HHAT: variants seen among roughly 807,000 people sequenced by gnomAD.
The protein encoded by HHAT is protein-cysteine N-palmitoyltransferase HHAT.
Under a neutral mutation model 70.8 loss-of-function variants are expected in HHAT, and 47 were observed. That is an observed-to-expected ratio of 0.66 (90% CI 0.53 to 0.85). HHAT has a LOEUF of 0.85. HHAT is among the 40% of genes least tolerant of loss of function. HHAT has a pLI of 0.00. For missense variants in HHAT, 609 were observed against 604.8 expected, an observed-to-expected ratio of 1.01 and a Z score of -0.07; for synonymous variants, 228 against 247.6, an observed-to-expected ratio of 0.92 and a Z score of 0.74.
intron 8 of HHAT, among the ~76,000 whole-genome samples, chr1:210,498,605 T>C (rs1301486141): frequency 6.6e-6 from 1 of 152,202 alleles, no homozygotes; most frequent in Non-Finnish European, 1.5e-5. Context: ...GAATGCTGTC[T>C]GAGCAATGGG....
chr1:210,524,740 C>A (rs1471842299), intron 9 of HHAT, among the ~76,000 whole-genome samples: 1 of 152,178 alleles, frequency 6.6e-6, no homozygotes, highest in Non-Finnish European at 1.5e-5. Context: ...TCAACCATGA[C>A]TGTGCTTCTG....
chr1:210,568,680 C>T (rs1176566157), intron 9 of HHAT, among the ~76,000 whole-genome samples: 1 of 152,168 alleles, frequency 6.6e-6, no homozygotes, highest in Non-Finnish European at 1.5e-5. Flanking sequence ...GGCTTATGCT[C>T]TATGTAAATG....
Position 210,414,144 on chromosome 1 carries a change from G to A in HHAT, c.685-4010G>A, listed in dbSNP as rs575848458. Among the ~76,000 whole-genome samples the A allele has an allele frequency of 2.7e-4, 41 of 152,288 alleles. No homozygotes were observed. In the South Asian group the frequency reaches 2.9e-3, roughly 11 times the overall value. ...CAGATTCAGTGTCTGGTGAGGGCCC[G>A]CTTCCTTGTTCATAGATTGGCACCT... On this transcript the variant is annotated intron_variant, in intron 6 of 11. Transcript: ENST00000261458.
chr1:210,408,030 G>A (rs2092400152), intron 6 of HHAT, among the ~76,000 whole-genome samples: 1 of 152,146 alleles, frequency 6.6e-6, no homozygotes, highest in African/African-American at 2.4e-5. Flanking sequence ...CGGCTTGAGA[G>A]TGCTTGCTGA....
At chr1:210,488,682 C>T (rs559925536) in intron 8 of HHAT, among the ~76,000 whole-genome samples, 12 of 152,054 alleles carry the variant, frequency 7.9e-5, no homozygotes, top group South Asian at 2.1e-4. Context: ...CGCTTGAGCC[C>T]GGAAGTTTGA....
chr1:210,627,235 A>G (rs1348531673), intron 11 of HHAT, among the ~76,000 whole-genome samples: 1 of 152,028 alleles, frequency 6.6e-6, no homozygotes, highest in Non-Finnish European at 1.5e-5. Context: ...TATTGAGGAG[A>G]TTTGCACACA....
intron 10 of HHAT, among the ~76,000 whole-genome samples, chr1:210,601,550 C>T (rs770941903): frequency 5.3e-5 from 8 of 152,110 alleles, no homozygotes; most frequent in Admixed American, 2.6e-4. Context: ...GCATAGTCAA[C>T]GTGGCTATTC....
chr1:210,441,566 T>C (rs2093508952), intron 7 of HHAT, among the ~76,000 whole-genome samples: 1 of 152,228 alleles, frequency 6.6e-6, no homozygotes, highest in Non-Finnish European at 1.5e-5. Flanking sequence ...AGCTTGTCTT[T>C]AGATTTTGAC....
intron 11 of HHAT, among the ~76,000 whole-genome samples, chr1:210,640,984 C>G (rs182515004): frequency 6.6e-6 from 1 of 152,324 alleles, no homozygotes; most frequent in East Asian, 1.9e-4. Context: ...GTGCTATTTT[C>G]ACTACATCAC....
intron 8 of HHAT, among the ~76,000 whole-genome samples, chr1:210,499,499 C>T (rs1207263562): frequency 2.6e-5 from 4 of 152,046 alleles, no homozygotes; most frequent in Non-Finnish European, 4.4e-5. Context: ...ATTAGCTGGG[C>T]ATGGTGATGC....
intron 10 of HHAT, among the ~76,000 whole-genome samples, chr1:210,610,964 C>T (rs982022154): frequency 6.6e-6 from 1 of 152,108 alleles, no homozygotes; most frequent in African/African-American, 2.4e-5. Context: ...CAGACTTGTT[C>T]TTTTTGCTTA....
chr1:210,460,430 G>A (rs1383285101), intron 7 of HHAT, among the ~76,000 whole-genome samples: 1 of 152,166 alleles, frequency 6.6e-6, no homozygotes, highest in Non-Finnish European at 1.5e-5. Flanking sequence ...CAAGCACCTA[G>A]AACCATGCTT....
intron 8 of HHAT, among the ~76,000 whole-genome samples, chr1:210,504,653 C>T (rs996988163): frequency 2.2e-4 from 34 of 152,264 alleles, no homozygotes; most frequent in African/African-American, 7.9e-4. Flanking sequence ...TTCCCAGACC[C>T]TCCTTCCTGA....
intron 1 of HHAT, chr1:210,329,363 G>C (rs2084785655): frequency 8.4e-7 from 1 of 1,184,790 alleles, no homozygotes; most frequent in Non-Finnish European, 1.0e-6. Flanking sequence ...CCCTGCCCAC[G>C]TCCTCTCTCC....
intron 11 of HHAT, among the ~76,000 whole-genome samples, chr1:210,667,945 T>C (rs1321491912): frequency 2.0e-5 from 3 of 152,210 alleles, no homozygotes; most frequent in Non-Finnish European, 4.4e-5. Context: ...ACTGAAACTT[T>C]ATACCCATTA....
At chr1:210,347,620 C>G (rs535034552) in intron 1 of HHAT, among the ~76,000 whole-genome samples, 1 of 149,416 alleles carries the variant, frequency 6.7e-6, no homozygotes, top group Non-Finnish European at 1.5e-5. Flanking sequence ...TATACCTTCT[C>G]TATTACTTAG....
At chr1:210,642,890 T>C (rs575980804) in intron 11 of HHAT, among the ~76,000 whole-genome samples, 1 of 152,334 alleles carries the variant, frequency 6.6e-6, no homozygotes, top group Non-Finnish European at 1.5e-5. Context: ...TAGTACTTTC[T>C]ATGTTCTGAT....
chr1:210,418,390 A>C, intron 7 of HHAT, 65 bp downstream of exon 7: 2 of 1,420,402 alleles, frequency 1.4e-6, no homozygotes, highest in Non-Finnish European at 1.9e-6. Context: ...ATCAGAATGG[A>C]GCTGGAGTGG....
intron 7 of HHAT, among the ~76,000 whole-genome samples, chr1:210,431,465 T>C (rs746004011): frequency 7.9e-5 from 12 of 151,934 alleles, no homozygotes; most frequent in Non-Finnish European, 1.2e-4. Context: ...CAAGTATATA[T>C]TTGAAAAAGA....
Sources: allele counts gnomAD v4.1 joint callset (sites outside exome capture counted in the v4.1 genomes callset), GRCh38; gene constraint gnomAD v4.1.1; transcripts MANE v1.5; gene names NCBI Gene and HGNC (gene_info 2026-07-23, HGNC 2026-07-21).